Variants in NGEF observed in about 807,000 individuals in gnomAD.
The protein encoded by NGEF is neuronal guanine nucleotide exchange factor, also known as ephexin-1.
Under a neutral mutation model 80.9 loss-of-function variants are expected in NGEF, and 31 were observed. The observed-to-expected ratio is 0.38, with a 90% CI of 0.29 to 0.52. NGEF has a LOEUF of 0.52. NGEF is among the 20% of genes least tolerant of loss of function. NGEF has a pLI of 0.84. For missense variants in NGEF, 709 were observed against 926.2 expected, an observed-to-expected ratio of 0.77 and a Z score of 3.04; for synonymous variants, 371 against 370.2, an observed-to-expected ratio of 1.00 and a Z score of -0.03.
intron 5 of NGEF, among the ~76,000 whole-genome samples, chr2:232,899,911 GTCAC>G (rs1341964148): frequency 1.7e-5 from 2 of 117,734 alleles, no homozygotes; most frequent in African/African-American, 3.4e-5. Context: ...TGCTCTCACA[GTCAC>G]TCATATACAC....
chr2:232,951,912 A>G (rs933152035), intron 3 of NGEF, among the ~76,000 whole-genome samples: 9 of 152,252 alleles, frequency 5.9e-5, no homozygotes, highest in Admixed American at 5.2e-4. Context: ...AACATAAGCC[A>G]GGGGCATGCT....
intron 3 of NGEF, among the ~76,000 whole-genome samples, chr2:232,968,092 G>GTTTTTTTTTTTTT (rs529799953): frequency 9.3e-6 from 1 of 107,216 alleles, no homozygotes; most frequent in African/African-American, 5.1e-5. Flanking sequence ...AACAGACCTG[G>GTTTTTTTTTTTTT]CTTTTTTTTT....
At chr2:232,910,811 A>G (rs1174427369) in intron 5 of NGEF, among the ~76,000 whole-genome samples, 1 of 152,212 alleles carries the variant, frequency 6.6e-6, no homozygotes, top group Non-Finnish European at 1.5e-5. Context: ...TGAAGTATCT[A>G]TTTAAGTCTT....
chr2:232,921,565 C>A (rs950243172), intron 4 of NGEF, among the ~76,000 whole-genome samples: 1 of 152,144 alleles, frequency 6.6e-6, no homozygotes, highest in African/African-American at 2.4e-5. Flanking sequence ...GATTCCCCTG[C>A]CTCAGCTTCC....
At chr2:232,940,202 T>A (rs937774748) in intron 3 of NGEF, among the ~76,000 whole-genome samples, 2 of 152,214 alleles carry the variant, frequency 1.3e-5, no homozygotes, top group Non-Finnish European at 2.9e-5. Flanking sequence ...TATTTCAGAG[T>A]GTCTCATAAG....
intron 3 of NGEF, chr2:232,928,290 G>T: frequency 1.9e-6 from 1 of 533,438 alleles, no homozygotes; most frequent in Non-Finnish European, 2.4e-6. Context: ...CGGGCCCCGC[G>T]AGCGCCGACT....
At chr2:232,907,159 T>TAAAAAAAA (rs1181408500) in intron 5 of NGEF, among the ~76,000 whole-genome samples, 1 of 25,834 alleles carries the variant, frequency 3.9e-5, no homozygotes, top group Non-Finnish European at 9.1e-5. Flanking sequence ...AATGATCAAT[T>TAAAAAAAA]AAAAAAAAAA....
At chr2:232,879,712 G>T in intron 14 of NGEF, 33 bp from the exon 15 acceptor site, 1 of 1,591,114 alleles carries the variant, frequency 6.3e-7, no homozygotes, top group Non-Finnish European at 8.6e-7. Context: ...GAAGGTCAGT[G>T]CTCCTGCAGG....
intron 3 of NGEF, among the ~76,000 whole-genome samples, chr2:232,929,643 C>G (rs1559212912): frequency 6.6e-6 from 1 of 152,210 alleles, no homozygotes; most frequent in East Asian, 1.9e-4. Context: ...TTGACTCACT[C>G]CCATGGACCC....
At chr2:232,928,215 G>A (rs1290545027) in intron 3 of NGEF, 2 of 967,758 alleles carry the variant, frequency 2.1e-6, no homozygotes, top group Non-Finnish European at 2.4e-6. Flanking sequence ...GAGGCGGGAG[G>A]GGCGCGCGCG....
chr2:232,920,986 C>T (rs1692931056), intron 4 of NGEF, among the ~76,000 whole-genome samples: 1 of 152,154 alleles, frequency 6.6e-6, no homozygotes, highest in Admixed American at 6.5e-5. Context: ...TTTCAATATT[C>T]AAACTCAGGA....
intron 10 of NGEF, among the ~76,000 whole-genome samples, chr2:232,884,623 G>A (rs748722401): frequency 6.6e-6 from 1 of 152,194 alleles, no homozygotes; most frequent in Non-Finnish European, 1.5e-5. Flanking sequence ...AATGGGACCC[G>A]CGGGGCAAGG....
At chr2:233,005,917 A>G (rs1428220633) in intron 1 of NGEF, among the ~76,000 whole-genome samples, 1 of 152,178 alleles carries the variant, frequency 6.6e-6, no homozygotes, top group Admixed American at 6.5e-5. Flanking sequence ...CCTGGGTTCA[A>G]GCGATTCTCC....
intron 1 of NGEF, among the ~76,000 whole-genome samples, chr2:232,997,870 G>A (rs774275102): frequency 3.3e-5 from 5 of 152,162 alleles, no homozygotes; most frequent in African/African-American, 4.8e-5. Context: ...TCTGCCTGGC[G>A]TCACCGAGCG....
intron 1 of NGEF, among the ~76,000 whole-genome samples, chr2:233,008,574 G>A (rs1363645958): frequency 6.6e-6 from 1 of 152,176 alleles, no homozygotes. Context: ...GGCCCAGCTT[G>A]CCTTCCATAT....
intron 3 of NGEF, among the ~76,000 whole-genome samples, chr2:232,950,357 G>A (rs1051093834): frequency 5.9e-5 from 9 of 152,304 alleles, no homozygotes; most frequent in African/African-American, 1.4e-4. Flanking sequence ...AACAAGGGCC[G>A]CTTTGTGGAA....
chr2:232,912,917 T>G (rs1692719444), intron 5 of NGEF, among the ~76,000 whole-genome samples: 1 of 152,322 alleles, frequency 6.6e-6, no homozygotes, highest in East Asian at 1.9e-4. Context: ...TGATAGAGAT[T>G]TATTAATTTT....
chr2:232,978,313 G>C (rs1045689834), intron 1 of NGEF, among the ~76,000 whole-genome samples: 5 of 151,974 alleles, frequency 3.3e-5, no homozygotes, highest in African/African-American at 1.2e-4. Flanking sequence ...AGGAGTTCAA[G>C]ACCAGCCTGG....
chr2:232,931,322 T>C (rs962885239), intron 3 of NGEF, among the ~76,000 whole-genome samples: 3 of 152,230 alleles, frequency 2.0e-5, no homozygotes, highest in Non-Finnish European at 4.4e-5. Context: ...TGGTGGCTCA[T>C]ACCACGCTTC....
Sources: gnomAD v4.1 joint callset for allele counts (sites outside exome capture counted in the v4.1 genomes callset) on GRCh38, gnomAD v4.1.1 for gene constraint, MANE v1.5 for transcripts, NCBI Gene and HGNC (gene_info 2026-07-23, HGNC 2026-07-21) for gene names.